The following FSIP1 variants were observed in gnomAD, a reference collection of about 807,000 sequenced individuals.
The protein encoded by FSIP1 is fibrous sheath interacting protein 1.
FSIP1 carries 65 observed loss-of-function variants against 60.9 expected under a neutral mutation model. The observed-to-expected ratio is 1.07, with a 90% confidence interval of 0.87 to 1.31. The LOEUF (loss-of-function observed/expected upper bound fraction) is 1.31. FSIP1 is among the 40% of genes most tolerant of loss of function. FSIP1 has a pLI of 0.00. For missense variants in FSIP1, 675 were observed against 665.5 expected (o/e 1.01, Z -0.16); for synonymous variants, 209 against 221.2 (o/e 0.94, Z 0.49).
chr15:39,665,416 T>C (rs1893456351), intron 10 of FSIP1, among the ~76,000 whole-genome samples: 1 of 152,222 alleles, frequency 6.6e-6, no homozygotes, highest in African/African-American at 2.4e-5. Flanking sequence ...ATATGTAAGA[T>C]AAAATACCTA....
chr15:39,665,748 CT>C (rs1350131383), intron 10 of FSIP1, among the ~76,000 whole-genome samples: 1 of 151,950 alleles, frequency 6.6e-6, no homozygotes, highest in Non-Finnish European at 1.5e-5. Context: ...ATTAATTATA[CT>C]GAATAAAAGT....
intron 8 of FSIP1, among the ~76,000 whole-genome samples, chr15:39,732,289 G>A (rs535240373): frequency 3.3e-5 from 5 of 152,134 alleles, no homozygotes; most frequent in Admixed American, 1.3e-4. Flanking sequence ...ACCAGTCCCC[G>A]TCCTAGAGAG....
chr15:39,760,498 G>T (rs531596317), intron 5 of FSIP1, among the ~76,000 whole-genome samples: 24 of 152,160 alleles, frequency 1.6e-4, no homozygotes, highest in Non-Finnish European at 3.5e-4. Context: ...TGACTGAGAA[G>T]GGCACATAAC....
chr15:39,758,713 T>C (rs1316374122), intron 5 of FSIP1, among the ~76,000 whole-genome samples: 1 of 152,076 alleles, frequency 6.6e-6, no homozygotes, highest in Non-Finnish European at 1.5e-5. Flanking sequence ...TAAAAAATAA[T>C]GTAGTCATTG....
At chr15:39,622,328 T>A (rs1308746682) in intron 10 of FSIP1, among the ~76,000 whole-genome samples, 1 of 152,212 alleles carries the variant, frequency 6.6e-6, no homozygotes, top group Admixed American at 6.5e-5. Flanking sequence ...CTCTTTTCAC[T>A]CTGTATATGA....
At chr15:39,744,326 C>T (rs1448497428) in intron 5 of FSIP1, among the ~76,000 whole-genome samples, 1 of 152,082 alleles carries the variant, frequency 6.6e-6, no homozygotes. Flanking sequence ...TGAGCCAAAA[C>T]ATTGATGATT....
intron 9 of FSIP1, among the ~76,000 whole-genome samples, chr15:39,716,345 A>G (rs1395751844): frequency 6.6e-6 from 1 of 152,222 alleles, no homozygotes; most frequent in Non-Finnish European, 1.5e-5. Context: ...CACAGAAAGA[A>G]AAAAATTATA....
At chr15:39,642,992 C>A (rs1892439288) in intron 10 of FSIP1, among the ~76,000 whole-genome samples, 1 of 152,172 alleles carries the variant, frequency 6.6e-6, no homozygotes, top group African/African-American at 2.4e-5. Context: ...GTCCTCGAAG[C>A]ACTTCATTAT....
At chr15:39,763,642 A>C (rs924193059) in intron 5 of FSIP1, among the ~76,000 whole-genome samples, 179 bp downstream of exon 5, 1 of 152,220 alleles carries the variant, frequency 6.6e-6, no homozygotes, top group African/African-American at 2.4e-5. Flanking sequence ...AGACACCAAA[A>C]CATACCTAAG....
chr15:39,636,386 C>G (rs1173867870), intron 10 of FSIP1, among the ~76,000 whole-genome samples: 1 of 152,148 alleles, frequency 6.6e-6, no homozygotes, highest in Non-Finnish European at 1.5e-5. Context: ...GCACCATAAG[C>G]TATCACCTCC....
At chr15:39,706,576 A>T (rs1429219916) in intron 10 of FSIP1, among the ~76,000 whole-genome samples, 1 of 152,252 alleles carries the variant, frequency 6.6e-6, no homozygotes, top group Non-Finnish European at 1.5e-5. Context: ...ATTTTTAAAC[A>T]TTAATTTATT....
At chr15:39,651,040 C>T (rs888747192) in intron 10 of FSIP1, among the ~76,000 whole-genome samples, 1 of 152,158 alleles carries the variant, frequency 6.6e-6, no homozygotes, top group African/African-American at 2.4e-5. Context: ...CAGATGGAGT[C>T]CCAGAGGGCA....
intron 10 of FSIP1, among the ~76,000 whole-genome samples, chr15:39,631,579 G>A (rs1354770078): frequency 2.0e-5 from 3 of 152,162 alleles, no homozygotes; most frequent in Admixed American, 6.5e-5. Flanking sequence ...CAGACTTCAT[G>A]TCCACTCACC....
intron 1 of FSIP1, among the ~76,000 whole-genome samples, chr15:39,777,515 C>T (rs1239179520): frequency 2.0e-5 from 3 of 152,244 alleles, no homozygotes; most frequent in Non-Finnish European, 4.4e-5. Flanking sequence ...ACCACCCTGG[C>T]TGCTCTATAA....
In FSIP1 at chr15:39,668,556, A is replaced by G. The variant is rs1256017212; in HGVS notation, c.1188+44888T>C. Among the ~76,000 whole-genome samples the G allele has an allele frequency of 2.0e-5, 3 of 152,326 alleles. No homozygotes were observed. In the East Asian group the frequency reaches 5.8e-4, roughly 29 times the overall value. ...ATTAGCCTATATTGTGTTTCCTGCT[A>G]TGAACACCAGGTGCCATACTATGTT... On this transcript the variant is annotated intron_variant, in intron 10 of 11. Coordinates refer to ENST00000350221, the MANE Select transcript of FSIP1 (RefSeq NM_152597.5).
At chr15:39,662,290 C>T (rs1893327244) in intron 10 of FSIP1, among the ~76,000 whole-genome samples, 1 of 151,832 alleles carries the variant, frequency 6.6e-6, no homozygotes. Context: ...ATGTGCCATA[C>T]CTAAAATAAA....
At chr15:39,725,613 A>G (rs764482783) in intron 9 of FSIP1, among the ~76,000 whole-genome samples, 1 of 152,250 alleles carries the variant, frequency 6.6e-6, no homozygotes, top group African/African-American at 2.4e-5. Context: ...ACAATTGTAG[A>G]GAAAATGATT....
At chr15:39,777,975 T>C (rs1898118613) in intron 1 of FSIP1, among the ~76,000 whole-genome samples, 2 of 152,230 alleles carry the variant, frequency 1.3e-5, no homozygotes, top group East Asian at 3.8e-4. Flanking sequence ...CACAGAGCGA[T>C]GTTACGGCTT....
At chr15:39,625,778 A>C (rs1566857569) in intron 10 of FSIP1, among the ~76,000 whole-genome samples, 1 of 152,192 alleles carries the variant, frequency 6.6e-6, no homozygotes, top group Non-Finnish European at 1.5e-5. Context: ...AGATTTGCAT[A>C]AAGAGCCTAA....
Sources: gnomAD v4.1 joint callset for allele counts (sites outside exome capture counted in the v4.1 genomes callset) on GRCh38, gnomAD v4.1.1 for gene constraint, MANE v1.5 for transcripts, NCBI Gene and HGNC (gene_info 2026-07-23, HGNC 2026-07-21) for gene names.